The following BAZ1A variants were observed in gnomAD, a reference collection of about 807,000 sequenced individuals.
The protein encoded by BAZ1A is bromodomain adjacent to zinc finger domain 1A, also known as bromodomain adjacent to zinc finger domain protein 1A.
Under a neutral mutation model 185.2 loss-of-function variants are expected in BAZ1A, and 50 were observed. The ratio of observed to expected loss-of-function variants is 0.27; its 90% CI spans 0.22 to 0.34. The LOEUF is 0.34. Among genes scored for constraint, BAZ1A ranks in the 10% least tolerant of loss-of-function variants. The pLI is 1.00. For missense variants in BAZ1A, 1,356 were observed against 1,839.9 expected (o/e 0.74, Z 4.81); for synonymous variants, 571 against 615.6 (o/e 0.93, Z 1.07).
At position 34,780,295 on chromosome 14, in the gene BAZ1A, T is replaced by TTCCCTTTCTTCC; in HGVS notation, c.2115_2126dup (p.Glu706_Glu709dup). 2 of 1,611,142 alleles carry TTCCCTTTCTTCC rather than the reference T, an allele frequency of 1.2e-6. No individual in the cohort carries two copies. The highest frequency in any genetic ancestry group is 2.7e-5 in the African/African-American group (2 of 74,820). On this transcript the variant is annotated inframe_insertion, in exon 17 of 27. Coordinates refer to ENST00000360310, the MANE Select transcript of BAZ1A (RefSeq NM_013448.3). ...TGCTCTCAATGCTAGTATCAAAATC[T>TTCCCTTTCTTCC]TCCCTTTCTTCCTCCCTTTAGGATA... is the stretch of plus-strand genomic sequence containing the variant.
chr14:34,773,009 A>C (rs562206615), intron 20 of BAZ1A, among the ~76,000 whole-genome samples: 53 of 152,170 alleles, frequency 3.5e-4, no homozygotes, highest in Non-Finnish European at 7.1e-4. Context: ...GCCTGGCAAC[A>C]GAGCAAGACT....
chr14:34,839,009 G>A (rs1277683912), intron 3 of BAZ1A, among the ~76,000 whole-genome samples: 2 of 152,188 alleles, frequency 1.3e-5, no homozygotes, highest in Non-Finnish European at 2.9e-5. Context: ...TGATGACACT[G>A]TAGTATTGGT....
intron 21 of BAZ1A, among the ~76,000 whole-genome samples, chr14:34,765,500 G>A (rs1009608880): frequency 1.3e-5 from 2 of 152,038 alleles, no homozygotes; most frequent in Non-Finnish European, 2.9e-5. Flanking sequence ...AAATGCTAAG[G>A]GATTTTAATA....
rs112774679 is a variant in BAZ1A, at chr14:34,836,245, A to G, written c.393-10089T>C. On this transcript the variant is annotated intron_variant, in intron 3 of 26. Coordinates refer to ENST00000360310, the MANE Select transcript of BAZ1A (RefSeq NM_013448.3). Reference sequence around the variant, plus strand: ...ATACAAAAAATTAGCCGGGCGTGGTAGCGGGCGCCTGTAGTCCCAGCTACT... The same window carrying G: ...ATACAAAAAATTAGCCGGGCGTGGTGGCGGGCGCCTGTAGTCCCAGCTACT... Among the ~76,000 whole-genome samples, 6 of 70,684 alleles carry G rather than the reference A, an allele frequency of 8.5e-5. 1 individual carries two copies. Among genetic ancestry groups the G allele is most frequent in the Admixed American group, 3.2e-4 (2 of 6,184 alleles). 46.4% of individuals were successfully genotyped at this position (70,684 alleles called of 152,430 possible).
chr14:34,778,168 A>G (rs1879780882), intron 17 of BAZ1A, among the ~76,000 whole-genome samples: 2 of 152,360 alleles, frequency 1.3e-5, no homozygotes, highest in South Asian at 2.1e-4. Context: ...TTGTTCAAAG[A>G]GATGGGATCA....
At chr14:34,786,418 C>A in intron 12 of BAZ1A, 197 bp from the exon 13 acceptor site, 1 of 483,608 alleles carries the variant, frequency 2.1e-6, no homozygotes, top group Non-Finnish European at 3.6e-6. Context: ...AAGCACTACA[C>A]ACTGACATTT....
intron 4 of BAZ1A, among the ~76,000 whole-genome samples, chr14:34,812,481 C>G (rs2041943922): frequency 6.6e-6 from 1 of 152,130 alleles, no homozygotes; most frequent in South Asian, 2.1e-4. Context: ...ACTTACACTT[C>G]AGAAGGGTCA....
chr14:34,821,220 T>C (rs772246266), intron 4 of BAZ1A, among the ~76,000 whole-genome samples: 15 of 152,172 alleles, frequency 9.9e-5, no homozygotes, highest in Non-Finnish European at 1.8e-4. Context: ...TAATGAGCCA[T>C]GTGATGCTGG....
Position 34,854,407 on chromosome 14 carries a change from G to A in BAZ1A, c.392+7637C>T, listed in dbSNP as rs563141176. Among the ~76,000 whole-genome samples, 8 of 152,212 alleles carry A rather than the reference G, an allele frequency of 5.3e-5. No homozygotes were observed. The South Asian group carries it at 1.7e-3, about 32-fold the overall frequency. ...ACTGCACTCCAGCCTGGGCGACAGA[G>A]TGAGACTCCATCTCGAAATAAAATA... On this transcript the variant is annotated intron_variant, in intron 3 of 26. Transcript: ENST00000360310.
In BAZ1A at chr14:34,785,819, C is replaced by T; in HGVS notation, c.1789G>A (p.Val597Met). 6.2e-7 allele frequency: 1 copy of T among 1,614,030 alleles called. No homozygotes were observed. Among genetic ancestry groups the T allele is most frequent in the South Asian group, 1.1e-5 (1 of 91,086 alleles). The change falls in exon 14 of 27, where the codon GTG becomes ATG. Residue 597 changes from valine (V) to methionine (M), a missense_variant. Around this residue, in one of 7 missense-constraint regions of BAZ1A, gnomAD observed 184 missense variants for 355.1 expected, o/e 0.52. Coordinates refer to ENST00000360310, the MANE Select transcript of BAZ1A (RefSeq NM_013448.3). Reference protein sequence around the residue: ...MELRLSNPSLVKKLSSTSVYD... With the variant: ...MELRLSNPSLMKKLSSTSVYD... ...ACTGAGGTGCTTGACAGTTTCTTCA[C>T]TAGACTGGGATTGCTCAAACGAAGC...
At chr14:34,860,524 AAAAAAAAAAAAGC>A in intron 3 of BAZ1A, among the ~76,000 whole-genome samples, 1 of 148,856 alleles carries the variant, frequency 6.7e-6, no homozygotes, top group East Asian at 2.0e-4. Flanking sequence ...AAGTTAAAAA[AAAAAAAAAAAAGC>A]AAAAAAAAAA....
At chr14:34,873,968 G>A (rs1484465397) in intron 2 of BAZ1A, among the ~76,000 whole-genome samples, 1 of 152,074 alleles carries the variant, frequency 6.6e-6, no homozygotes, top group Non-Finnish European at 1.5e-5. Context: ...CCCTACCCCA[G>A]GCAGCTCCAA....
At position 34,776,094 on chromosome 14, in the gene BAZ1A, C is replaced by T; in HGVS notation, c.2658G>A (p.Val886=). Residue 886 remains valine (V), a synonymous_variant, in exon 18 of 27, where the codon GTG becomes GTA. Transcript: ENST00000360310. Reference sequence around the variant, plus strand: ...AAAAGCACCACCGATTTGGCTTATGCACTGGTTTTGGCAGCTGCACAGAAT... The same window carrying T: ...AAAAGCACCACCGATTTGGCTTATGTACTGGTTTTGGCAGCTGCACAGAAT... ...RDHSVQLPKP[V]HKPNRWCFYS... is the part of the protein sequence containing the mutation. 6.2e-7 allele frequency: 1 copy of T among 1,614,174 alleles called. No individual in the cohort carries two copies. The highest frequency in any genetic ancestry group is 8.5e-7 in the Non-Finnish European group (1 of 1,180,014).
intron 9 of BAZ1A, among the ~76,000 whole-genome samples, chr14:34,799,015 A>G (rs1279604659): frequency 1.3e-5 from 2 of 152,182 alleles, no homozygotes; most frequent in Non-Finnish European, 2.9e-5. Context: ...CTGAATTAAG[A>G]AAATGTGGTG....
Position 34,758,788 on chromosome 14 carries a change from T to G in BAZ1A, c.4302A>C (p.Glu1434Asp), listed in dbSNP as rs1211206205. The G allele has an allele frequency of 6.2e-7, 1 of 1,614,022 alleles. No individual in the cohort carries two copies. Among genetic ancestry groups the G allele is most frequent in the Non-Finnish European group, 8.5e-7 (1 of 1,180,018 alleles). ...RSSGRQGGVH[E>D]LSAFEQLVVE... Reference sequence around the variant, plus strand: ...CAACAAGTTGTTCAAAAGCAGACAATTCATGAACTCCTCCCTGTCGGCCAG... The same window carrying G: ...CAACAAGTTGTTCAAAAGCAGACAAGTCATGAACTCCTCCCTGTCGGCCAG... The change falls in exon 25 of 27, where the codon GAA (glutamate) becomes GAC (aspartate). Residue 1434 changes from glutamate (E) to aspartate (D), a missense_variant. By Grantham distance (45) the Glu-to-Asp change is conservative. Transcript: ENST00000360310.
At chr14:34,800,440 T>C (rs1338504258) in intron 8 of BAZ1A, 50 bp from the exon 9 acceptor site, 2 of 1,370,550 alleles carry the variant, frequency 1.5e-6, no homozygotes, top group African/African-American at 1.5e-5. Context: ...AAAATAACAC[T>C]TGGCAATTTT....
chr14:34,872,860 T>C (rs1192390431), intron 2 of BAZ1A, among the ~76,000 whole-genome samples: 1 of 76,202 alleles, frequency 1.3e-5, no homozygotes, highest in African/African-American at 4.1e-5. Context: ...TTGTTGATAC[T>C]CTTAGTTTTT....
At chr14:34,764,087 T>G (rs1566546815) in intron 23 of BAZ1A, among the ~76,000 whole-genome samples, 1 of 152,166 alleles carries the variant, frequency 6.6e-6, no homozygotes, top group Non-Finnish European at 1.5e-5. Flanking sequence ...CATGCTAAGT[T>G]GCAGAATACT....
At chr14:34,813,489 C>A (rs972823673) in intron 4 of BAZ1A, among the ~76,000 whole-genome samples, 1 of 151,740 alleles carries the variant, frequency 6.6e-6, no homozygotes, top group African/African-American at 2.4e-5. Flanking sequence ...TGGAGACCAG[C>A]CTGGCTAACA....
Sources: allele counts gnomAD v4.1 joint callset (sites outside exome capture counted in the v4.1 genomes callset), GRCh38; gene constraint gnomAD v4.1.1; regional missense constraint gnomAD v4.1.1; transcripts MANE v1.5; gene names NCBI Gene and HGNC (gene_info 2026-07-23, HGNC 2026-07-21).